PDE4D: variants seen among roughly 807,000 people sequenced by gnomAD.
PDE4D encodes 3',5'-cyclic-AMP phosphodiesterase 4D.
A neutral mutation model predicts 87.4 loss-of-function variants in PDE4D; 24 were observed. The ratio of observed to expected loss-of-function variants is 0.27; its 90% CI spans 0.20 to 0.39. The LOEUF (loss-of-function observed/expected upper bound fraction) is 0.39, where lower values mean the gene tolerates loss of function less well. Among genes scored for constraint, PDE4D ranks in the 10% least tolerant of loss-of-function variants. The pLI is 1.00. For synonymous variants in PDE4D, 384 were observed against 383.2 expected (o/e 1.00, Z -0.02); for missense variants, 714 against 1,041.0 (o/e 0.69, Z 4.32).
At chr5:59,532,825 C>A (rs1409017400) in intron 1 of PDE4D, among the ~76,000 whole-genome samples, 1 of 152,096 alleles carries the variant, frequency 6.6e-6, no homozygotes, top group Non-Finnish European at 1.5e-5. Context: ...AGGGTCATTG[C>A]CCTAGACTGA....
At chr5:59,341,625 C>T (rs1778741240) in intron 1 of PDE4D, among the ~76,000 whole-genome samples, 2 of 152,130 alleles carry the variant, frequency 1.3e-5, no homozygotes, top group Admixed American at 6.5e-5. Context: ...ATATATAATG[C>T]GTATGCAAAC....
intron 1 of PDE4D, among the ~76,000 whole-genome samples, chr5:59,330,067 G>C (rs1776426119): frequency 6.6e-6 from 1 of 152,040 alleles, no homozygotes; most frequent in Non-Finnish European, 1.5e-5. Flanking sequence ...TAAGCCCTTG[G>C]GATGAAAACT....
chr5:59,124,988 T>C (rs1382569748), intron 5 of PDE4D, among the ~76,000 whole-genome samples: 1 of 152,196 alleles, frequency 6.6e-6, no homozygotes, highest in Non-Finnish European at 1.5e-5. Context: ...TTCTTTTCTT[T>C]TTTTTTCAAA....
intron 2 of PDE4D, among the ~76,000 whole-genome samples, chr5:60,073,001 A>C (rs1562057865): frequency 1.3e-5 from 2 of 151,882 alleles, no homozygotes; most frequent in Admixed American, 1.3e-4. Context: ...CTTGCTGTTT[A>C]TTTCTTTCTC....
chr5:59,222,237 G>A (rs1227751307), intron 1 of PDE4D, among the ~76,000 whole-genome samples: 1 of 152,172 alleles, frequency 6.6e-6, no homozygotes, highest in Non-Finnish European at 1.5e-5. Flanking sequence ...CGCATACTTT[G>A]TGTCTACTGA....
intron 1 of PDE4D, among the ~76,000 whole-genome samples, chr5:60,318,114 C>T (rs557579972): frequency 2.0e-5 from 3 of 151,776 alleles, no homozygotes; most frequent in Non-Finnish European, 3.0e-5. Flanking sequence ...ATTGTATGGG[C>T]GTCTAAGTCT....
chr5:59,444,323 A>C (rs1798051054), intron 1 of PDE4D, among the ~76,000 whole-genome samples: 1 of 152,204 alleles, frequency 6.6e-6, no homozygotes, highest in Admixed American at 6.5e-5. Context: ...TAACAAAGGA[A>C]AATGCTATGA....
intron 5 of PDE4D, among the ~76,000 whole-genome samples, chr5:59,107,532 A>G (rs370982633): frequency 2.2e-4 from 34 of 152,262 alleles, no homozygotes; most frequent in East Asian, 1.5e-3. Flanking sequence ...CCAGGATGAG[A>G]TAATAGAGAT....
At chr5:59,912,522 G>A (rs79048576) in intron 3 of PDE4D, among the ~76,000 whole-genome samples, 2,092 of 152,198 alleles carry the variant, frequency 0.014, 48 homozygotes, top group African/African-American at 0.048. Flanking sequence ...AAACAACTGG[G>A]CATATAACTC....
At chr5:59,590,931 A>C (rs1825839616) in intron 1 of PDE4D, among the ~76,000 whole-genome samples, 1 of 152,122 alleles carries the variant, frequency 6.6e-6, no homozygotes, top group Non-Finnish European at 1.5e-5. Context: ...TTTTCCAATA[A>C]AACCCTTTTC....
intron 1 of PDE4D, among the ~76,000 whole-genome samples, chr5:60,310,258 T>TA (rs1313585976): frequency 2.6e-5 from 4 of 152,194 alleles, no homozygotes; most frequent in African/African-American, 9.7e-5. Context: ...ACCAGCATTT[T>TA]AAAAAATCAC....
At chr5:59,823,023 A>G (rs1769885905) in intron 1 of PDE4D, among the ~76,000 whole-genome samples, 1 of 152,218 alleles carries the variant, frequency 6.6e-6, no homozygotes, top group Non-Finnish European at 1.5e-5. Flanking sequence ...AGCCATCCTT[A>G]CAAATCAGTG....
intron 1 of PDE4D, among the ~76,000 whole-genome samples, chr5:59,636,372 A>C (rs1832243398): frequency 6.6e-6 from 1 of 152,202 alleles, no homozygotes. Context: ...ACAGAATTAG[A>C]AAAAACTACT....
At chr5:59,378,559 A>G (rs1041409999) in intron 1 of PDE4D, among the ~76,000 whole-genome samples, 4 of 152,238 alleles carry the variant, frequency 2.6e-5, no homozygotes, top group Non-Finnish European at 4.4e-5. Context: ...GAATTAAGAA[A>G]AAATTATTCC....
chr5:59,231,618 G>A (rs955648858), intron 1 of PDE4D, among the ~76,000 whole-genome samples: 10 of 152,184 alleles, frequency 6.6e-5, no homozygotes, highest in Middle Eastern at 3.4e-3. Flanking sequence ...TTAATTTGGG[G>A]GCTTATTTGT....
At chr5:59,154,336 G>C (rs1040286261) in intron 5 of PDE4D, among the ~76,000 whole-genome samples, 1 of 151,738 alleles carries the variant, frequency 6.6e-6, no homozygotes, top group African/African-American at 2.4e-5. Flanking sequence ...CATGTCTGTG[G>C]GTGTATCAAT....
intron 1 of PDE4D, among the ~76,000 whole-genome samples, chr5:59,337,887 G>T (rs1234467617): frequency 6.6e-6 from 1 of 152,188 alleles, no homozygotes; most frequent in Non-Finnish European, 1.5e-5. Flanking sequence ...TGTCATGGGA[G>T]CCTCTCCATC....
At chr5:60,308,866 C>T (rs1754742686) in intron 1 of PDE4D, among the ~76,000 whole-genome samples, 1 of 151,950 alleles carries the variant, frequency 6.6e-6, no homozygotes, top group African/African-American at 2.4e-5. Flanking sequence ...AACAAACTTG[C>T]CCCCCGCCCA....
chr5:60,046,521 A>G (rs959617758), intron 2 of PDE4D, among the ~76,000 whole-genome samples: 3 of 152,110 alleles, frequency 2.0e-5, no homozygotes, highest in African/African-American at 4.8e-5. Context: ...GATAGCTCTT[A>G]TTATTTTGAA....
Sources: gnomAD v4.1 joint callset for allele counts (sites outside exome capture counted in the v4.1 genomes callset) on GRCh38, gnomAD v4.1.1 for gene constraint, MANE v1.5 for transcripts, NCBI Gene and HGNC (gene_info 2026-07-23, HGNC 2026-07-21) for gene names.